Variants in MOK observed in about 807,000 individuals in gnomAD.
The protein encoded by MOK is MOK protein kinase.
In MOK, 59 loss-of-function variants were observed where a neutral mutation model predicts 54.2. The ratio of observed to expected loss-of-function variants is 1.09; its 90% CI spans 0.88 to 1.35. The LOEUF (loss-of-function observed/expected upper bound fraction) is 1.35, where lower values mean the gene tolerates loss of function less well. Among genes scored for constraint, MOK ranks in the 40% most tolerant of loss-of-function variants. The pLI is 0.00. For missense variants in MOK, 517 were observed against 526.2 expected, an observed-to-expected ratio of 0.98 and a Z score of 0.17; for synonymous variants, 210 against 202.7, an observed-to-expected ratio of 1.04 and a Z score of -0.31.
intron 7 of MOK, among the ~76,000 whole-genome samples, chr14:102,237,142 A>C (rs143185301): frequency 0.011 from 1,643 of 152,274 alleles, 43 homozygotes; most frequent in African/African-American, 0.037. Context: ...GTCCTCCCTC[A>C]AGGCTTCAGA....
chr14:102,223,685 T>C (rs1453713742), downstream of MOK: 2 of 152,478 alleles, frequency 1.3e-5, no homozygotes, highest in Admixed American at 1.3e-4. Context: ...CGCTTGTTTA[T>C]CTTCTGTTAA....
rs1192629056 is a variant in MOK, at chr14:102,232,094, C to T, written c.867-273G>A. ...ACTGTCACCTCCACAGTTAGGCAAACAGGAGTGTCCAGAGGTCCGGAATTA... is the reference window on the plus strand; with the variant it reads ...ACTGTCACCTCCACAGTTAGGCAAATAGGAGTGTCCAGAGGTCCGGAATTA... On this transcript the variant is annotated intron_variant, in intron 9 of 11. Coordinates refer to ENST00000361847, the MANE Select transcript of MOK (RefSeq NM_014226.3). This position sits in a 1 kb window ranked among gnomAD's most constrained non-coding sequence, Gnocchi z 5.1. 10 of 423,036 alleles carry T rather than the reference C, an allele frequency of 2.4e-5. No individual in the cohort carries two copies. In the East Asian group the frequency reaches 3.8e-4, roughly 16 times the overall value. 26.2% of individuals were successfully genotyped at this position (423,036 alleles called of 1,614,324 possible).
chr14:102,229,553 AGAC>A lies in MOK; in HGVS notation c.1083_1085del (p.Ser362del), dbSNP rs2064469850. On this transcript the variant is annotated inframe_deletion, in exon 11 of 12. Coordinates refer to ENST00000361847, the MANE Select transcript of MOK (RefSeq NM_014226.3). Reference sequence around the variant, plus strand: ...CGGACTGCAGCGTGGGGCTGGAGTAAGACGACAGTCTGACCACTCCCGAAAGCT... The same window carrying A: ...CGGACTGCAGCGTGGGGCTGGAGTAAGACAGTCTGACCACTCCCGAAAGCT... The A allele has an allele frequency of 6.2e-7, 1 of 1,614,180 alleles. No homozygotes were observed. Among genetic ancestry groups the A allele is most frequent in the Non-Finnish European group, 8.5e-7 (1 of 1,180,030 alleles).
Position 102,261,653 on chromosome 14 carries a change from C to A in MOK, c.283+1893G>T, listed in dbSNP as rs1217172136. ...GGTTCAAGCGATTCTCCTGCCTCAG[C>A]CTCCCAAGTAGTTTGGACTACAGAC... is the stretch of plus-strand genomic sequence containing the variant. On this transcript the variant is annotated intron_variant, in intron 4 of 11. Coordinates refer to ENST00000361847, the MANE Select transcript of MOK (RefSeq NM_014226.3). 2.0e-5 allele frequency among the ~76,000 whole-genome samples: 3 copies of A among 150,618 alleles called. No individual in the cohort carries two copies. In the East Asian group the frequency reaches 6.0e-4, roughly 30 times the overall value.
At chr14:102,281,040 T>C (rs1172342712) in intron 2 of MOK, among the ~76,000 whole-genome samples, 2 of 151,888 alleles carry the variant, frequency 1.3e-5, no homozygotes, top group Non-Finnish European at 2.9e-5. Flanking sequence ...ATACAAAAAT[T>C]AGGCTGGGCA....
At chr14:102,274,740 C>T (rs1216106304) in intron 2 of MOK, among the ~76,000 whole-genome samples, 2 of 151,382 alleles carry the variant, frequency 1.3e-5, no homozygotes, top group Non-Finnish European at 2.9e-5. Context: ...TTTGGGAGGA[C>T]GAGGCAGGCG....
downstream of MOK, chr14:102,223,059 C>T (rs1371524417): frequency 3.3e-6 from 2 of 610,526 alleles, no homozygotes; most frequent in African/African-American, 3.8e-5. Flanking sequence ...CGCTGCTCAC[C>T]CAAAGAAGTT....
At chr14:102,304,883 A>C (rs540404639) in intron 1 of MOK, 79 bp downstream of exon 1, 1 of 1,496,174 alleles carries the variant, frequency 6.7e-7, no homozygotes. Flanking sequence ...AGGCCCCTCA[A>C]GCTCCTCAAG....
the MOK span, among the ~76,000 whole-genome samples, chr14:102,217,645 G>A: frequency 6.6e-6 from 1 of 152,242 alleles, no homozygotes; most frequent in Non-Finnish European, 1.5e-5. Context: ...CTCACGTGCC[G>A]CTTGTGTGAT....
At chr14:102,253,702 C>CATCA (rs2066710575) in intron 4 of MOK, among the ~76,000 whole-genome samples, 1 of 152,214 alleles carries the variant, frequency 6.6e-6, no homozygotes, top group Admixed American at 6.5e-5. Context: ...ACATGCCCAG[C>CATCA]ATCACAGTTT....
intron 2 of MOK, among the ~76,000 whole-genome samples, chr14:102,282,364 TTAATA>T (rs1028277982): frequency 1.3e-5 from 2 of 151,968 alleles, no homozygotes; most frequent in African/African-American, 4.8e-5. Flanking sequence ...TAATATAATA[TTAATA>T]TATTAATTTA....
chr14:102,228,186 T>A (rs1349368680), downstream of MOK, among the ~76,000 whole-genome samples: 2 of 152,172 alleles, frequency 1.3e-5, no homozygotes, highest in Non-Finnish European at 1.5e-5. Context: ...AAGCACCCAC[T>A]GACAGGCCAG....
At position 102,229,305 on chromosome 14, in the gene MOK, C is replaced by T; in HGVS notation, c.1244G>A (p.Arg415Gln). The T allele has an allele frequency of 4.4e-6, 7 of 1,607,560 alleles. No individual in the cohort carries two copies. Among genetic ancestry groups the T allele is most frequent in the Non-Finnish European group, 6.0e-6 (7 of 1,176,050 alleles). ...GCTGCTCAGTTATCTTCCGCCTTTCCGCACTATGGTGGGCAGGCGACACTG... is the reference window on the plus strand; with the variant it reads ...GCTGCTCAGTTATCTTCCGCCTTTCTGCACTATGGTGGGCAGGCGACACTG... ...PQQCRLPTIV[R>Q]KGGR The change falls in exon 12 of 12, where the codon CGG becomes CAG. Residue 415 changes from arginine (R) to glutamine (Q), a missense_variant. Coordinates refer to ENST00000361847, the MANE Select transcript of MOK (RefSeq NM_014226.3).
chr14:102,250,874 A>G lies in MOK; in HGVS notation c.528T>C (p.Asp176=). 6.2e-7 allele frequency: 1 copy of G among 1,614,056 alleles called. No homozygotes were observed. Residue 176 remains aspartate, a synonymous_variant, in exon 7 of 12, where the codon GAT becomes GAC. Coordinates refer to ENST00000361847, the MANE Select transcript of MOK (RefSeq NM_014226.3). Reference sequence around the variant, plus strand: ...GGTCCATCTTGTACGTGTAGAACCCATCAGTGAGGAGACACTCCGGGGCCC... The same window carrying G: ...GGTCCATCTTGTACGTGTAGAACCCGTCAGTGAGGAGACACTCCGGGGCCC... ...WYRAPECLLT[D]GFYTYKMDLW...
chr14:102,262,439 G>C (rs1041511003), intron 4 of MOK, among the ~76,000 whole-genome samples: 6 of 152,234 alleles, frequency 3.9e-5, no homozygotes, highest in Non-Finnish European at 8.8e-5. Context: ...TTATAGGCAT[G>C]AGCCACTGCA....
intron 1 of MOK, among the ~76,000 whole-genome samples, chr14:102,290,143 G>GAAAA (rs376178602): frequency 7.0e-6 from 1 of 142,362 alleles, no homozygotes. Context: ...TACACTTAGA[G>GAAAA]AAAAAAAAAA....
At chr14:102,228,323 G>A (rs1000408283), downstream of MOK, among the ~76,000 whole-genome samples, 1 of 152,252 alleles carries the variant, frequency 6.6e-6, no homozygotes, top group African/African-American at 2.4e-5. Flanking sequence ...CACCTCGCCA[G>A]GCTGGTCACT....
chr14:102,236,324 G>A lies in MOK; in HGVS notation c.591-2535C>T, dbSNP rs977825745. Among the ~76,000 whole-genome samples the A allele has an allele frequency of 2.6e-5, 4 of 152,084 alleles. No homozygotes were observed. The highest frequency in any genetic ancestry group is 9.7e-5 in the African/African-American group (4 of 41,418). On this transcript the variant is annotated intron_variant, in intron 7 of 11. Transcript: ENST00000361847. This position sits in a 1 kb window ranked among gnomAD's most constrained non-coding sequence, Gnocchi z 4.5. ...GCCGATCTCTTTTTAAATTGATAGC[G>A]GGGCCACCTACTCAGCTTTGCCTGA...
chr14:102,231,466 C>T lies in MOK; in HGVS notation c.981+241G>A, dbSNP rs2064695948. 2 of 474,526 alleles carry T rather than the reference C, an allele frequency of 4.2e-6. No individual in the cohort carries two copies. Among genetic ancestry groups the T allele is most frequent in the Admixed American group, 3.5e-5 (1 of 28,548 alleles). The allele number at this position is 474,526 out of a possible 1,614,324, so 29.4% of individuals were successfully genotyped here. ...AACATCCCCTCTCTGGGCCTGCTCACATGGGATATTCGTCATCAATTCTTA... is the reference window on the plus strand; with the variant it reads ...AACATCCCCTCTCTGGGCCTGCTCATATGGGATATTCGTCATCAATTCTTA... On this transcript the variant is annotated intron_variant, in intron 10 of 11. Transcript: ENST00000361847. The surrounding 1 kb of genome is among the most constrained non-coding windows in gnomAD (Gnocchi z 4.4).
Sources: allele counts gnomAD v4.1 joint callset (sites outside exome capture counted in the v4.1 genomes callset), GRCh38; gene constraint gnomAD v4.1.1; non-coding constraint Gnocchi (gnomAD v3.1); transcripts MANE v1.5; gene names NCBI Gene and HGNC (gene_info 2026-07-23, HGNC 2026-07-21).